The following GIMAP4 variants were observed in gnomAD, a reference collection of about 807,000 sequenced individuals.
GIMAP4 encodes GTPase IMAP family member 4.
In GIMAP4, 12 loss-of-function variants were observed where a neutral mutation model predicts 10.8. The ratio of observed to expected loss-of-function variants is 1.11; its 90% confidence interval spans 0.71 to 1.81. The LOEUF (loss-of-function observed/expected upper bound fraction) is 1.81, where lower values mean the gene tolerates loss of function less well. Ranked by LOEUF, GIMAP4 falls within the 40% of genes most tolerant of loss-of-function variation. The probability of loss-of-function intolerance (pLI) is 0.00; values close to 1 mark genes in which losing one functional copy is unlikely to be tolerated. For synonymous variants in GIMAP4, 149 were observed against 147.2 expected, an observed-to-expected ratio of 1.01 and a Z score of -0.09; for missense variants, 412 against 404.6, an observed-to-expected ratio of 1.02 and a Z score of -0.16.
Position 150,573,743 on chromosome 7 carries a change from G to C in GIMAP4, c.*683G>C, listed in dbSNP as rs1303618737. On this transcript the variant is annotated 3_prime_UTR_variant, in exon 3 of 3. Coordinates refer to ENST00000255945, the MANE Select transcript of GIMAP4 (RefSeq NM_018326.3). ...AGAGCAATGTTTAGTATATTCAGCT[G>C]TATCTGTAGAAACTCTTTGACGAAC... The C allele has an allele frequency of 6.6e-6, 1 of 152,158 alleles. No individual in the cohort carries two copies. Among genetic ancestry groups the C allele is most frequent in the African/African-American group, 2.4e-5 (1 of 41,428 alleles). 9.4% of individuals were successfully genotyped at this position (152,158 alleles called of 1,614,324 possible).
chr7:150,572,815 G>GAT lies in GIMAP4; in HGVS notation c.746_747insTA (p.Glu249AspfsTer8). The GAT allele has an allele frequency of 6.2e-7, 1 of 1,613,908 alleles. No homozygotes were observed. The highest frequency in any genetic ancestry group is 8.5e-7 in the Non-Finnish European group (1 of 1,179,844). ...GCAAGAACTCCACAGAGTGGAGCTG[G>GAT]AGAGAGAGAAAGCGCGGATAAGAGA... On this transcript the variant is annotated frameshift_variant, in exon 3 of 3. Coordinates refer to ENST00000255945, the MANE Select transcript of GIMAP4 (RefSeq NM_018326.3). LOFTEE classifies it low-confidence loss of function (END_TRUNC).
Position 150,572,659 on chromosome 7 carries a change from G to T in GIMAP4, c.589G>T (p.Glu197Ter), listed in dbSNP as rs1025319167. 3 of 1,614,112 alleles carry T rather than the reference G, an allele frequency of 1.9e-6. No individual in the cohort carries two copies. The Admixed American group carries it at 5.0e-5, about 27-fold the overall frequency. Reference sequence around the variant, plus strand: ...GTTAAACAACAAGGCAACAGGCGCTGAGCAGGAGGCCCAGAGGGCACAGTT... The same window carrying T: ...GTTAAACAACAAGGCAACAGGCGCTTAGCAGGAGGCCCAGAGGGCACAGTT... ...CALNNKATGA[E>*]QEAQRAQLLG... The change falls in exon 3 of 3, where the codon GAG becomes TAG. Residue 197 changes from glutamate (E) to a stop codon, truncating the protein, a stop_gained. Coordinates refer to ENST00000255945, the MANE Select transcript of GIMAP4 (RefSeq NM_018326.3). LOFTEE classifies it high-confidence loss of function.
chr7:150,568,843 G>A (rs1795694688), intron 1 of GIMAP4, among the ~76,000 whole-genome samples: 1 of 152,144 alleles, frequency 6.6e-6, no homozygotes, highest in African/African-American at 2.4e-5. Flanking sequence ...AAGCCTCTGG[G>A]GTGCAGTGGA....
In GIMAP4 at chr7:150,571,722, A is replaced by T. The variant is rs1699018142; in HGVS notation, c.59-407A>T. Among the ~76,000 whole-genome samples, 3 of 152,216 alleles carry T rather than the reference A, an allele frequency of 2.0e-5. No homozygotes were observed. The South Asian group carries it at 6.2e-4, about 32-fold the overall frequency. On this transcript the variant is annotated intron_variant, in intron 2 of 2. Coordinates refer to ENST00000255945, the MANE Select transcript of GIMAP4 (RefSeq NM_018326.3). ...CTTGAACCCAGGAGGCAGAGGTTGT[A>T]GTGAGCCGAGATCATGCCACTGCAC...
At chr7:150,570,134 C>CT in intron 2 of GIMAP4, 175 bp downstream of exon 2, 4 of 622,702 alleles carry the variant, frequency 6.4e-6, no homozygotes, top group Non-Finnish European at 1.2e-5. Context: ...TTGACCTGCT[C>CT]TTTCATCTTT....
intron 2 of GIMAP4, among the ~76,000 whole-genome samples, chr7:150,570,616 C>T (rs541410524): frequency 6.6e-6 from 1 of 152,316 alleles, no homozygotes; most frequent in East Asian, 1.9e-4. Flanking sequence ...ACCAGCTTGG[C>T]TCATCTCAGG....
chr7:150,567,679 C>T (rs1211229651), intron 1 of GIMAP4, among the ~76,000 whole-genome samples: 5 of 152,088 alleles, frequency 3.3e-5, no homozygotes, highest in East Asian at 1.9e-4. Flanking sequence ...TGTTTCCTCT[C>T]GCTGGTTGTG....
intron 2 of GIMAP4, among the ~76,000 whole-genome samples, chr7:150,571,808 G>A (rs916253160): frequency 6.6e-6 from 1 of 152,106 alleles, no homozygotes; most frequent in African/African-American, 2.4e-5. Context: ...GGTACAAACA[G>A]CTATTATTGG....
chr7:150,568,146 C>G (rs1348170230), intron 1 of GIMAP4, among the ~76,000 whole-genome samples: 1 of 152,132 alleles, frequency 6.6e-6, no homozygotes, highest in Non-Finnish European at 1.5e-5. Flanking sequence ...ATTAAAGAGC[C>G]CACACACTAG....
Position 150,573,106 on chromosome 7 carries a change from C to G in GIMAP4, c.*46C>G. 7.9e-7 allele frequency: 1 copy of G among 1,263,322 alleles called. No homozygotes were observed. The highest frequency in any genetic ancestry group is 1.1e-6 in the Non-Finnish European group (1 of 884,650). The allele number at this position is 1,263,322 out of a possible 1,614,324, so 78.3% of individuals were successfully genotyped here. A position where few individuals can be genotyped will look rare whatever the true frequency, so the allele number is the denominator to read the frequency against. On this transcript the variant is annotated 3_prime_UTR_variant, in exon 3 of 3. Coordinates refer to ENST00000255945, the MANE Select transcript of GIMAP4 (RefSeq NM_018326.3). Reference sequence around the variant, plus strand: ...TATTTTCTGCATATTCTCTGGCAACCTTGCCCCATACTTACTTATTTAGCA... The same window carrying G: ...TATTTTCTGCATATTCTCTGGCAACGTTGCCCCATACTTACTTATTTAGCA...
intron 1 of GIMAP4, among the ~76,000 whole-genome samples, chr7:150,568,101 T>C (rs1795685692): frequency 6.6e-6 from 1 of 152,212 alleles, no homozygotes; most frequent in Non-Finnish European, 1.5e-5. Context: ...CACAGTCTCC[T>C]GGCTTTGCCT....
In GIMAP4 at chr7:150,572,499, G is replaced by A. The variant is rs1795744448; in HGVS notation, c.429G>A (p.Glu143=). ...AGAAGATCCTGAAAATGTTTGGAGA[G>A]AGGGCTAGAAGTTTCATGATTCTCA... ...ATEKILKMFG[E]RARSFMILIF... Residue 143 remains glutamate (E), a synonymous_variant, in exon 3 of 3, where the codon GAG becomes GAA. Transcript: ENST00000255945. The A allele has an allele frequency of 6.2e-7, 1 of 1,614,070 alleles. No homozygotes were observed. The highest frequency in any genetic ancestry group is 1.1e-5 in the South Asian group (1 of 91,086).
chr7:150,573,157 C>A lies in GIMAP4; in HGVS notation c.*97C>A. 1 of 748,976 alleles carries A rather than the reference C, an allele frequency of 1.3e-6. No homozygotes were observed. The highest frequency in any genetic ancestry group is 2.2e-6 in the Non-Finnish European group (1 of 454,140). The allele number at this position is 748,976 out of a possible 1,614,324, so 46.4% of individuals were successfully genotyped here. A position where few individuals can be genotyped will look rare whatever the true frequency, so the allele number is the denominator to read the frequency against. On this transcript the variant is annotated 3_prime_UTR_variant, in exon 3 of 3. Transcript: ENST00000255945. ...TAGTCGAGTGCTCTAGTTTCTGTCT[C>A]TCAGGCACTCGTAACTAAGGACCAC...
At chr7:150,570,127 A>G in intron 2 of GIMAP4, 168 bp downstream of exon 2, 2 of 627,880 alleles carry the variant, frequency 3.2e-6, no homozygotes, top group Non-Finnish European at 5.7e-6. Flanking sequence ...TCCTCATTTG[A>G]CCTGCTCTTT....
chr7:150,572,219 T>C lies in GIMAP4; in HGVS notation c.149T>C (p.Ile50Thr), dbSNP rs369058960. The C allele has an allele frequency of 5.1e-5, 83 of 1,613,974 alleles. No individual in the cohort carries two copies. The East Asian group carries it at 1.4e-3, about 27-fold the overall frequency. The change falls in exon 3 of 3, where the codon ATC (isoleucine) becomes ACC (threonine). Residue 50 changes from isoleucine to threonine, a missense_variant. Coordinates refer to ENST00000255945, the MANE Select transcript of GIMAP4 (RefSeq NM_018326.3). ...GAGKSATGNS[I>T]LGRKVFHSGT... is the part of the protein sequence containing the mutation. Reference sequence around the variant, plus strand: ...GGAAAAAGTGCAACAGGAAACAGCATCCTTGGCCGGAAAGTGTTTCATTCT... The same window carrying C: ...GGAAAAAGTGCAACAGGAAACAGCACCCTTGGCCGGAAAGTGTTTCATTCT...
chr7:150,571,158 G>C (rs1795723804), intron 2 of GIMAP4, among the ~76,000 whole-genome samples: 1 of 152,110 alleles, frequency 6.6e-6, no homozygotes, highest in South Asian at 2.1e-4. Context: ...AATGCCCTCA[G>C]GATATCCTTA....
chr7:150,569,684 C>A (rs1334055425), intron 1 of GIMAP4, among the ~76,000 whole-genome samples: 1 of 151,998 alleles, frequency 6.6e-6, no homozygotes, highest in East Asian at 1.9e-4. Flanking sequence ...GCACTGGAAG[C>A]ATTTATGTTT....
intron 2 of GIMAP4, among the ~76,000 whole-genome samples, 160 bp from the exon 3 acceptor site, chr7:150,571,969 T>C (rs998148132): frequency 6.6e-6 from 1 of 152,060 alleles, no homozygotes; most frequent in African/African-American, 2.4e-5. Flanking sequence ...TACTGAAAAA[T>C]GAGCATCAGG....
rs778778849 is a variant in GIMAP4, at chr7:150,572,366, C to G, written c.296C>G (p.Thr99Arg). 6.2e-7 allele frequency: 1 copy of G among 1,614,046 alleles called. No homozygotes were observed. Among genetic ancestry groups the G allele is most frequent in the Non-Finnish European group, 8.5e-7 (1 of 1,179,936 alleles). The change falls in exon 3 of 3, where the codon ACG (threonine) becomes AGG (arginine). Residue 99 changes from threonine (T) to arginine (R), a missense_variant. Physicochemically the swap from Thr to Arg is moderately conservative, Grantham distance 71. Coordinates refer to ENST00000255945, the MANE Select transcript of GIMAP4 (RefSeq NM_018326.3). The part of the protein sequence containing the change: ...IFDTEVPNAE[T>R]SKEIIRCILL... ...GACACAGAGGTGCCCAATGCTGAAA[C>G]GTCCAAGGAGATTATTCGCTGCATT...
Sources: gnomAD v4.1 joint callset for allele counts (sites outside exome capture counted in the v4.1 genomes callset) on GRCh38, gnomAD v4.1.1 for gene constraint, MANE v1.5 for transcripts, NCBI Gene and HGNC (gene_info 2026-07-23, HGNC 2026-07-21) for gene names.